Variants in GABRA4 observed in about 807,000 individuals in gnomAD.
GABRA4 encodes gamma-aminobutyric acid receptor subunit alpha-4.
In GABRA4, 12 loss-of-function variants were observed where a neutral mutation model predicts 49.7. The ratio of observed to expected loss-of-function variants is 0.24; its 90% confidence interval spans 0.15 to 0.39. The LOEUF (loss-of-function observed/expected upper bound fraction) is 0.39. GABRA4 is among the 10% of genes least tolerant of loss of function. GABRA4 has a pLI of 1.00. For synonymous variants in GABRA4, 288 were observed against 240.2 expected (o/e 1.20, Z -1.84); for missense variants, 506 against 686.0 (o/e 0.74, Z 2.93).
At chr4:46,933,098 G>A (rs1577744151) in intron 8 of GABRA4, among the ~76,000 whole-genome samples, 1 of 152,172 alleles carries the variant, frequency 6.6e-6, no homozygotes, top group East Asian at 1.9e-4. Flanking sequence ...AGTGGGGTGT[G>A]CAACATGAAC....
chr4:46,993,280 C>T lies in GABRA4; in HGVS notation c.86+59G>A, dbSNP rs1047722752. On this transcript the variant is annotated intron_variant, in intron 1 of 8. Coordinates refer to ENST00000264318, the MANE Select transcript of GABRA4 (RefSeq NM_000809.4). Reference sequence around the variant, plus strand: ...GAGGAGCGAGTGGCCAAAGGGGTCCCGGAGCTAGCCATTTCTCCACTTTCC... The same window carrying T: ...GAGGAGCGAGTGGCCAAAGGGGTCCTGGAGCTAGCCATTTCTCCACTTTCC... 4.1e-6 allele frequency: 6 copies of T among 1,457,322 alleles called. No individual in the cohort carries two copies. In the South Asian group the frequency reaches 5.7e-5, roughly 14 times the overall value. 90.3% of individuals were successfully genotyped at this position (1,457,322 alleles called of 1,614,324 possible). A position where few individuals can be genotyped will look rare whatever the true frequency, so the allele number is the denominator to read the frequency against.
chr4:46,977,246 G>C lies in GABRA4; in HGVS notation c.495-103C>G, dbSNP rs1577788020. On this transcript the variant is annotated intron_variant, in intron 4 of 8. Transcript: ENST00000264318. Reference sequence around the variant, plus strand: ...AAGGGAGGGAAGGAGGAAGGAAGAAGGGAGGGAAGAAAAGGAAGGAAGGAA... The same window carrying C: ...AAGGGAGGGAAGGAGGAAGGAAGAACGGAGGGAAGAAAAGGAAGGAAGGAA... The C allele has an allele frequency of 7.8e-6, 5 of 639,650 alleles. No homozygotes were observed. In the East Asian group the frequency reaches 2.0e-4, roughly 26 times the overall value. The allele number at this position is 639,650 out of a possible 1,614,324, so 39.6% of individuals were successfully genotyped here.
At chr4:46,980,821 G>A (rs1446551628) in intron 2 of GABRA4, among the ~76,000 whole-genome samples, 1 of 152,102 alleles carries the variant, frequency 6.6e-6, no homozygotes, top group Non-Finnish European at 1.5e-5. Flanking sequence ...AGGTTCAACA[G>A]TGAAACAAAT....
rs977461815 is a variant in GABRA4 at position 46,919,637 on chromosome 4, TAAAC to T, written c.*8584_*8587del. 6.6e-6 allele frequency: 1 copy of T among 151,714 alleles called. No individual in the cohort carries two copies. The allele number at this position is 151,714 out of a possible 1,614,324, so 9.4% of individuals were successfully genotyped here. On this transcript the variant is annotated 3_prime_UTR_variant, in exon 9 of 9. Transcript: ENST00000264318. ...TAAGGAATATTTTCAATTGTACAAC[TAAAC>T]AAACAATTTTAAAATTATTCAAGAG...
At position 46,922,008 on chromosome 4, in the gene GABRA4, AG is replaced by A. The variant is rs1199407232; in HGVS notation, c.*6216del. 7.2e-5 allele frequency: 11 copies of A among 152,242 alleles called. No individual in the cohort carries two copies. The East Asian group carries it at 2.1e-3, about 29-fold the overall frequency. The allele number at this position is 152,242 out of a possible 1,614,324, so 9.4% of individuals were successfully genotyped here. On this transcript the variant is annotated 3_prime_UTR_variant, in exon 9 of 9. Coordinates refer to ENST00000264318, the MANE Select transcript of GABRA4 (RefSeq NM_000809.4). Reference sequence around the variant, plus strand: ...AACCTCTGTAAGATAGAGTGTAAACAGGCAAGAAAAAGACAAAATCTGTCTT... The same window carrying A: ...AACCTCTGTAAGATAGAGTGTAAACAGCAAGAAAAAGACAAAATCTGTCTT...
At chr4:46,938,716 G>T (rs953029809) in intron 8 of GABRA4, among the ~76,000 whole-genome samples, 3 of 151,972 alleles carry the variant, frequency 2.0e-5, no homozygotes, top group South Asian at 4.1e-4. Context: ...AATAGTTCAA[G>T]TTCCATGTTT....
At chr4:46,934,336 T>C (rs1355636130) in intron 8 of GABRA4, among the ~76,000 whole-genome samples, 1 of 152,186 alleles carries the variant, frequency 6.6e-6, no homozygotes, top group Non-Finnish European at 1.5e-5. Flanking sequence ...GTAGAGCAGC[T>C]AGAACTAAAC....
intron 7 of GABRA4, among the ~76,000 whole-genome samples, chr4:46,969,077 T>C (rs966906650): frequency 1.5e-4 from 23 of 151,594 alleles, no homozygotes; most frequent in Non-Finnish European, 3.0e-5. Context: ...CATCCTGTTT[T>C]AACACATGAG....
chr4:46,950,049 A>C (rs1043479450), intron 8 of GABRA4, among the ~76,000 whole-genome samples: 3 of 152,132 alleles, frequency 2.0e-5, no homozygotes, highest in African/African-American at 7.2e-5. Context: ...TTTTTAGATC[A>C]GCCCGTTGGC....
rs201175505 is a variant in GABRA4 at position 46,989,439 on chromosome 4, C to T, written c.205+3389G>A. ...GAGAGGACTACATCCTCTCAGAAGTCGGAAACCAGCTTCTGTCACCATGAC... is the reference window on the plus strand; with the variant it reads ...GAGAGGACTACATCCTCTCAGAAGTTGGAAACCAGCTTCTGTCACCATGAC... On this transcript the variant is annotated intron_variant, in intron 2 of 8. Coordinates refer to ENST00000264318, the MANE Select transcript of GABRA4 (RefSeq NM_000809.4). 3.5e-4 allele frequency among the ~76,000 whole-genome samples: 53 copies of T among 152,264 alleles called. No individual in the cohort carries two copies. The East Asian group carries it at 8.3e-3, about 24-fold the overall frequency.
chr4:46,973,354 C>T (rs1380970850), intron 6 of GABRA4, among the ~76,000 whole-genome samples: 1 of 151,666 alleles, frequency 6.6e-6, no homozygotes, highest in African/African-American at 2.4e-5. Flanking sequence ...AGTGTGAGCA[C>T]CCACTCCCTA....
chr4:46,962,358 T>C (rs779570544), intron 8 of GABRA4, among the ~76,000 whole-genome samples: 2 of 151,810 alleles, frequency 1.3e-5, no homozygotes, highest in Non-Finnish European at 2.9e-5. Context: ...CTATTTACAA[T>C]AGCCACATAT....
At chr4:46,977,722 T>C (rs1424303004) in intron 3 of GABRA4, 92 bp from the exon 4 acceptor site, 2 of 840,214 alleles carry the variant, frequency 2.4e-6, no homozygotes, top group East Asian at 2.6e-5. Flanking sequence ...TCCTTCATGC[T>C]CATAAAAAAA....
At position 46,993,370 on chromosome 4, in the gene GABRA4, C is replaced by T. The variant is rs16859837; in HGVS notation, c.55G>A (p.Ala19Thr). 2.0e-3 allele frequency: 3,188 copies of T among 1,614,192 alleles called. 57 individuals carry two copies. In the African/African-American group the frequency reaches 0.039, roughly 20 times the overall value. ...AIALSAGVSF[A>T]LLRFLCLAVC... ...GCCAGGCACAGGAAGCGCAGGAGGGCGAAACTGACCCCGGCGGACAGAGCG... is the reference window on the plus strand; with the variant it reads ...GCCAGGCACAGGAAGCGCAGGAGGGTGAAACTGACCCCGGCGGACAGAGCG... The change falls in exon 1 of 9, where the codon GCC becomes ACC. Residue 19 changes from alanine (A) to threonine (T), a missense_variant. Around this residue, in one of 5 missense-constraint regions of GABRA4, gnomAD observed 195 missense variants for 326.0 expected, o/e 0.60. Coordinates refer to ENST00000264318, the MANE Select transcript of GABRA4 (RefSeq NM_000809.4).
chr4:46,942,511 G>T (rs1264128953), intron 8 of GABRA4, among the ~76,000 whole-genome samples: 1 of 151,760 alleles, frequency 6.6e-6, no homozygotes, highest in Non-Finnish European at 1.5e-5. Flanking sequence ...TGTAATCCCA[G>T]CTACTTGGGA....
chr4:46,970,607 A>G (rs1430369196), intron 7 of GABRA4, among the ~76,000 whole-genome samples: 3 of 151,568 alleles, frequency 2.0e-5, no homozygotes, highest in African/African-American at 7.3e-5. Context: ...AACTAAGCAT[A>G]TAATACCTTC....
chr4:46,951,293 T>G (rs1577761980), intron 8 of GABRA4, among the ~76,000 whole-genome samples: 1 of 149,540 alleles, frequency 6.7e-6, no homozygotes, highest in East Asian at 2.0e-4. Flanking sequence ...TATATATTAT[T>G]AAATATATAC....
At chr4:46,943,549 G>A (rs1010754506) in intron 8 of GABRA4, among the ~76,000 whole-genome samples, 41 of 151,962 alleles carry the variant, frequency 2.7e-4, no homozygotes, top group Non-Finnish European at 5.1e-4. Context: ...TTGTTTTCAG[G>A]GGAAACAATT....
At chr4:46,935,095 T>G (rs926734972) in intron 8 of GABRA4, among the ~76,000 whole-genome samples, 2 of 152,166 alleles carry the variant, frequency 1.3e-5, no homozygotes, top group African/African-American at 4.8e-5. Context: ...GGTTAAAAAC[T>G]CAAAGTCTCA....
Sources: gnomAD v4.1 joint callset for allele counts (sites outside exome capture counted in the v4.1 genomes callset) on GRCh38, gnomAD v4.1.1 for gene constraint, gnomAD v4.1.1 regional missense constraint, MANE v1.5 for transcripts, NCBI Gene and HGNC (gene_info 2026-07-23, HGNC 2026-07-21) for gene names.